Variants in FGF13 observed in about 807,000 individuals in gnomAD.
FGF13 encodes fibroblast growth factor 13.
Under a neutral mutation model 19.5 loss-of-function variants are expected in FGF13, and 2 were observed. That is an observed-to-expected ratio of 0.10 (90% CI 0.04 to 0.32). The LOEUF is 0.32. FGF13 is among the 10% of genes least tolerant of loss of function. FGF13 has a pLI of 1.00. For synonymous variants in FGF13, 72 were observed against 76.9 expected, an observed-to-expected ratio of 0.94 and a Z score of 0.33; for missense variants, 113 against 192.7, an observed-to-expected ratio of 0.59 and a Z score of 2.45.
At chrX:139,022,052 A>T (rs1281426947) in intron 1 of FGF13, among the ~76,000 whole-genome samples, 1 of 111,609 alleles carries the variant, frequency 9.0e-6, no homozygotes, top group Non-Finnish European at 1.9e-5. Flanking sequence ...TAGAGAAAGT[A>T]TCACTTGGAA....
intron 3 of FGF13, among the ~76,000 whole-genome samples, chrX:138,700,895 G>C (rs1290824004): frequency 9.0e-6 from 1 of 111,497 alleles, no homozygotes; most frequent in Non-Finnish European, 1.9e-5. Flanking sequence ...CATTTCCCTG[G>C]GAAGCCTTTC....
At chrX:139,110,455 C>T (rs1017630269) in intron 1 of FGF13, among the ~76,000 whole-genome samples, 30 of 109,996 alleles carry the variant, frequency 2.7e-4, no homozygotes, top group African/African-American at 8.3e-4. Context: ...ATAAGTCTCA[C>T]GAGATCTGAC....
chrX:138,685,670 A>G (rs974492249), intron 3 of FGF13, among the ~76,000 whole-genome samples: 3 of 111,547 alleles, frequency 2.7e-5, no homozygotes, highest in African/African-American at 9.7e-5. Context: ...GCCATACTTA[A>G]AAGTATGTAT....
chrX:138,625,272 T>C lies in FGF13; in HGVS notation c.*7578A>G, dbSNP rs1340072350. 1 of 108,131 alleles carries C rather than the reference T, an allele frequency of 9.2e-6. No individual in the cohort carries two copies. The highest frequency in any genetic ancestry group is 3.4e-5 in the African/African-American group (1 of 29,821). The allele number at this position is 108,131 out of a possible 1,213,427, so 8.9% of individuals were successfully genotyped here. On this transcript the variant is annotated 3_prime_UTR_variant, in exon 5 of 5. Coordinates refer to ENST00000315930, the MANE Select transcript of FGF13 (RefSeq NM_004114.5). ...ATGTAAAACAGTATGGAGATCCTCA[T>C]AAAAGTAAAAATAGAACTACTGTAT...
intron 1 of FGF13, among the ~76,000 whole-genome samples, chrX:138,913,246 A>C (rs979745939): frequency 1.2e-5 from 1 of 83,150 alleles, no homozygotes; most frequent in African/African-American, 4.8e-5. Context: ...GGCTCACTGC[A>C]ACCTCCGCCT....
chrX:138,848,595 T>C (rs1602952810), intron 3 of FGF13, among the ~76,000 whole-genome samples: 2 of 112,305 alleles, frequency 1.8e-5, no homozygotes, highest in Non-Finnish European at 3.8e-5. Flanking sequence ...GTTTTATCCA[T>C]ATAAAAACTA....
At position 139,065,408 on chromosome X, in the gene FGF13, C is replaced by G. The variant is rs371338923; in HGVS notation, c.-113+138008G>C. Among the ~76,000 whole-genome samples the G allele has an allele frequency of 5.9e-4, 62 of 105,780 alleles. 1 individual carries two copies. The highest frequency in any genetic ancestry group is 2.1e-3 in the African/African-American group (60 of 28,784). 91.9% of individuals were successfully genotyped at this position (105,780 alleles called of 115,157 possible). A position where few individuals can be genotyped will look rare whatever the true frequency, so the allele number is the denominator to read the frequency against. On this transcript the variant is annotated intron_variant, in intron 1 of 2. Transcript: ENST00000421460. ...CATTGATGTGCTATACTCAGGAGAC[C>G]CATCTCATGTGCAAAGACACACATA... is the stretch of plus-strand genomic sequence containing the variant.
chrX:138,954,786 C>T (rs1457834000), intron 1 of FGF13, among the ~76,000 whole-genome samples: 2 of 111,850 alleles, frequency 1.8e-5, no homozygotes, highest in African/African-American at 3.3e-5. Flanking sequence ...GATATCAAGC[C>T]ACTAAAGCAA....
intron 3 of FGF13, among the ~76,000 whole-genome samples, chrX:138,759,736 T>C (rs946818422): frequency 2.7e-5 from 3 of 111,884 alleles, no homozygotes; most frequent in Non-Finnish European, 5.6e-5. Context: ...TTAGAAGTCA[T>C]GTGACTTTCG....
At chrX:139,044,563 A>T (rs1421172325) in intron 1 of FGF13, among the ~76,000 whole-genome samples, 4 of 111,340 alleles carry the variant, frequency 3.6e-5, no homozygotes, top group Non-Finnish European at 5.6e-5. Context: ...TCATTCCACC[A>T]CTGGCCCCTC....
At chrX:138,753,520 T>C (rs1375949373) in intron 3 of FGF13, among the ~76,000 whole-genome samples, 1 of 112,090 alleles carries the variant, frequency 8.9e-6, no homozygotes, top group Non-Finnish European at 1.9e-5. Flanking sequence ...AAGAGACTAA[T>C]TCAGTTGAAA....
At chrX:139,068,763 T>G (rs1009795102) in intron 1 of FGF13, among the ~76,000 whole-genome samples, 1 of 110,739 alleles carries the variant, frequency 9.0e-6, no homozygotes, top group Non-Finnish European at 1.9e-5. Context: ...GAATGGGAGT[T>G]CACTCATGAT....
intron 2 of FGF13, among the ~76,000 whole-genome samples, chrX:138,863,233 A>C (rs772671181): frequency 9.0e-6 from 1 of 111,506 alleles, no homozygotes; most frequent in South Asian, 3.8e-4. Context: ...CAAGAATATA[A>C]GCCCCCTGAG....
chrX:138,978,078 A>G (rs755112306), intron 1 of FGF13, among the ~76,000 whole-genome samples: 1 of 111,101 alleles, frequency 9.0e-6, no homozygotes, highest in Non-Finnish European at 1.9e-5. Context: ...GAACATTTCT[A>G]TCATTGTAGA....
intron 1 of FGF13, among the ~76,000 whole-genome samples, chrX:138,962,688 A>G (rs745775818): frequency 7.1e-4 from 80 of 111,974 alleles, no homozygotes; most frequent in African/African-American, 2.6e-3. Flanking sequence ...AGTTCATGTC[A>G]TTTGTAGGGA....
chrX:138,812,000 C>T (rs2090929566), intron 3 of FGF13, among the ~76,000 whole-genome samples: 1 of 109,640 alleles, frequency 9.1e-6, no homozygotes, highest in African/African-American at 3.3e-5. Context: ...TTGCAACCAT[C>T]ACCACAATCA....
intron 3 of FGF13, among the ~76,000 whole-genome samples, chrX:138,645,138 C>A (rs1422099723): frequency 9.0e-6 from 1 of 111,462 alleles, no homozygotes; most frequent in African/African-American, 3.3e-5. Context: ...ACTGTGACAG[C>A]CCCCTTTGAA....
intron 1 of FGF13, among the ~76,000 whole-genome samples, chrX:138,967,861 A>G (rs950509017): frequency 9.0e-6 from 1 of 111,459 alleles, no homozygotes; most frequent in African/African-American, 3.3e-5. Context: ...TCATCACTCA[A>G]TTAGTATGTT....
upstream of FGF13, chrX:138,711,792 G>T: frequency 2.0e-6 from 1 of 507,209 alleles, no homozygotes; most frequent in South Asian, 1.1e-4. Flanking sequence ...GCCGCAGGCC[G>T]CCCCTCCCAC....
Sources: gnomAD v4.1 joint callset for allele counts (sites outside exome capture counted in the v4.1 genomes callset) on GRCh38, gnomAD v4.1.1 for gene constraint, MANE v1.5 for transcripts, NCBI Gene and HGNC (gene_info 2026-07-23, HGNC 2026-07-21) for gene names.